TAF3: variants seen among roughly 807,000 people sequenced by gnomAD.
TAF3 encodes transcription initiation factor TFIID subunit 3.
TAF3 carries 7 observed loss-of-function variants against 80.6 expected under a neutral mutation model. That is an observed-to-expected ratio of 0.09 (90% CI 0.05 to 0.16). The LOEUF is 0.16. TAF3 is among the 10% of genes least tolerant of loss of function. TAF3 has a pLI of 1.00. For missense variants in TAF3, 921 were observed against 1,140.2 expected (o/e 0.81, Z 2.77); for synonymous variants, 444 against 446.1 (o/e 1.00, Z 0.06).
At chr10:7,913,899 G>A (rs1185242507) in intron 2 of TAF3, among the ~76,000 whole-genome samples, 1 of 152,200 alleles carries the variant, frequency 6.6e-6, no homozygotes, top group Non-Finnish European at 1.5e-5. Flanking sequence ...CAGGAGGAGG[G>A]AAACAACTTG....
intron 2 of TAF3, among the ~76,000 whole-genome samples, chr10:7,825,583 G>T (rs1244475): frequency 0.55 from 83,648 of 152,028 alleles, 23,214 homozygotes; most frequent in East Asian, 0.78. Context: ...AATGGACTTG[G>T]ACATTATTTG....
intron 2 of TAF3, among the ~76,000 whole-genome samples, chr10:7,949,403 A>G (rs958624728): frequency 2.6e-5 from 4 of 152,248 alleles, no homozygotes; most frequent in Non-Finnish European, 5.9e-5. Context: ...TGTCTTATAT[A>G]TAAGTGGACA....
chr10:7,887,866 A>G (rs1487650011), intron 2 of TAF3, among the ~76,000 whole-genome samples: 1 of 152,102 alleles, frequency 6.6e-6, no homozygotes. Context: ...AAAGTGAAGC[A>G]TTGGAAGCTT....
chr10:7,968,819 A>G (rs1831596650), intron 3 of TAF3, among the ~76,000 whole-genome samples: 1 of 152,222 alleles, frequency 6.6e-6, no homozygotes, highest in Non-Finnish European at 1.5e-5. Flanking sequence ...TTATGTTAAA[A>G]TGGGATAAGT....
At chr10:7,978,146 G>A (rs1434890835) in intron 4 of TAF3, among the ~76,000 whole-genome samples, 1 of 152,066 alleles carries the variant, frequency 6.6e-6, no homozygotes, top group Non-Finnish European at 1.5e-5. Context: ...CATTAAGCCT[G>A]AAAATGCAGT....
At chr10:7,975,910 C>T (rs978893486) in intron 3 of TAF3, among the ~76,000 whole-genome samples, 1 of 152,094 alleles carries the variant, frequency 6.6e-6, no homozygotes, top group Non-Finnish European at 1.5e-5. Flanking sequence ...TAACAGTAAA[C>T]CAGTGACATT....
intron 3 of TAF3, among the ~76,000 whole-genome samples, chr10:7,976,366 C>CCTCTTGAG (rs1360904436): frequency 6.6e-6 from 1 of 151,766 alleles, no homozygotes; most frequent in Non-Finnish European, 1.5e-5. Context: ...CCTGCCTCAG[C>CCTCTTGAG]CTCTTGAGTA....
chr10:7,859,049 T>G (rs1428874757), intron 2 of TAF3, among the ~76,000 whole-genome samples: 1 of 151,894 alleles, frequency 6.6e-6, no homozygotes, highest in Non-Finnish European at 1.5e-5. Flanking sequence ...GATCACGAGG[T>G]CAGGAGATCG....
chr10:7,946,200 C>T (rs1588561549), intron 2 of TAF3, among the ~76,000 whole-genome samples: 1 of 152,306 alleles, frequency 6.6e-6, no homozygotes, highest in Admixed American at 6.5e-5. Flanking sequence ...AATTCACACT[C>T]TTTCCCATGA....
chr10:7,842,158 T>G (rs1027679131), intron 2 of TAF3, among the ~76,000 whole-genome samples: 4 of 126,214 alleles, frequency 3.2e-5, no homozygotes, highest in African/African-American at 1.2e-4. Context: ...ATTGTTTTTT[T>G]TTTTTGTTTT....
rs555277120 is a variant in TAF3, at chr10:7,861,558, TA to T, written c.409+37004del. 4.0e-3 allele frequency among the ~76,000 whole-genome samples: 604 copies of T among 152,300 alleles called. 4 individuals are homozygous for T. The highest frequency in any genetic ancestry group is 0.013 in the African/African-American group (550 of 41,574). On this transcript the variant is annotated intron_variant, in intron 2 of 6. Transcript: ENST00000344293. Reference sequence around the variant, plus strand: ...ATCAGCCATTTCTCAAAAAAGTCCATAAAAAATGATTATATAATTCTGTACT... The same window carrying T: ...ATCAGCCATTTCTCAAAAAAGTCCATAAAAATGATTATATAATTCTGTACT...
At position 8,015,156 on chromosome 10, in the gene TAF3, T is replaced by C. The variant is rs1832092603; in HGVS notation, c.*405T>C. The C allele has an allele frequency of 6.4e-6, 1 of 156,812 alleles. No individual in the cohort carries two copies. The highest frequency in any genetic ancestry group is 1.4e-5 in the Non-Finnish European group (1 of 70,612). 9.7% of individuals were successfully genotyped at this position (156,812 alleles called of 1,614,324 possible). ...ACTGTAATTTAAGGATGATAGAGTC[T>C]GTATACAGTTTTCAGCCCCTTTCCC... On this transcript the variant is annotated 3_prime_UTR_variant, in exon 7 of 7. Coordinates refer to ENST00000344293, the MANE Select transcript of TAF3 (RefSeq NM_031923.4).
chr10:7,999,186 T>C (rs1831918868), intron 4 of TAF3, among the ~76,000 whole-genome samples: 1 of 152,188 alleles, frequency 6.6e-6, no homozygotes. Context: ...ACAGAAGTGT[T>C]CTCACTGCAG....
intron 2 of TAF3, among the ~76,000 whole-genome samples, chr10:7,840,793 A>AATGACT (rs1345596218): frequency 6.6e-6 from 1 of 151,648 alleles, no homozygotes; most frequent in Non-Finnish European, 1.5e-5. Flanking sequence ...CCTTTTATTT[A>AATGACT]GCTAATGACT....
intron 3 of TAF3, among the ~76,000 whole-genome samples, chr10:7,971,260 T>A (rs1363665840): frequency 6.6e-6 from 1 of 152,196 alleles, no homozygotes; most frequent in Non-Finnish European, 1.5e-5. Flanking sequence ...TAAATGGAAA[T>A]AATGTAAAGA....
At chr10:7,842,164 GTT>G (rs71505466) in intron 2 of TAF3, among the ~76,000 whole-genome samples, 4 of 85,384 alleles carry the variant, frequency 4.7e-5, no homozygotes, top group East Asian at 2.8e-4. Context: ...TTTTTTTTTT[GTT>G]TTTTTTTTTG....
intron 2 of TAF3, among the ~76,000 whole-genome samples, chr10:7,863,636 T>TACACAC (rs1837173045): frequency 1.5e-5 from 1 of 68,838 alleles, no homozygotes; most frequent in African/African-American, 5.4e-5. Flanking sequence ...AATATATATA[T>TACACAC]ATATATATAT....
chr10:7,968,836 A>G (rs1831596884), intron 3 of TAF3, among the ~76,000 whole-genome samples: 1 of 152,160 alleles, frequency 6.6e-6, no homozygotes. Context: ...AAGTGAAATC[A>G]CTTGGTTGGT....
intron 2 of TAF3, among the ~76,000 whole-genome samples, chr10:7,840,138 G>T (rs533391913): frequency 1.2e-3 from 180 of 151,262 alleles, no homozygotes; most frequent in Non-Finnish European, 2.0e-3. Context: ...ATTCTATGAA[G>T]TATCTTAGGA....
Sources: allele counts gnomAD v4.1 joint callset (sites outside exome capture counted in the v4.1 genomes callset), GRCh38; gene constraint gnomAD v4.1.1; transcripts MANE v1.5; gene names NCBI Gene and HGNC (gene_info 2026-07-23, HGNC 2026-07-21).